Variants in NFIA observed in about 807,000 individuals in gnomAD.
The protein encoded by NFIA is nuclear factor 1 A-type.
NFIA carries 8 observed loss-of-function variants against 62.8 expected under a neutral mutation model. The observed-to-expected ratio is 0.13, with a 90% CI of 0.07 to 0.23. NFIA has a LOEUF of 0.23. Ranked by LOEUF, NFIA falls within the 10% of genes least tolerant of loss-of-function variation. NFIA has a pLI of 1.00. For synonymous variants in NFIA, 235 were observed against 238.1 expected, an observed-to-expected ratio of 0.99 and a Z score of 0.12; for missense variants, 410 against 642.1, an observed-to-expected ratio of 0.64 and a Z score of 3.91.
In NFIA at chr1:61,337,316, C is replaced by T. The variant is rs372469689; in HGVS notation, c.700+4730C>T. Among the ~76,000 whole-genome samples, 233 of 49,986 alleles carry T rather than the reference C, an allele frequency of 4.7e-3. 1 individual carries two copies. The highest frequency in any genetic ancestry group is 0.013 in the African/African-American group (203 of 15,510). 32.8% of individuals were successfully genotyped at this position (49,986 alleles called of 152,430 possible). On this transcript the variant is annotated intron_variant, in intron 4 of 10. Transcript: ENST00000403491. ...TTCCTCCTTGCCTCCTGCCTACCAC[C>T]TTTTAATTTTTTTTTTCATTATCAT... is the stretch of plus-strand genomic sequence containing the variant.
At chr1:61,404,346 G>T in intron 8 of NFIA, 64 bp downstream of exon 8, 1 of 1,447,900 alleles carries the variant, frequency 6.9e-7, no homozygotes, top group South Asian at 1.4e-5. Context: ...ATAACAAGGG[G>T]AGACCTTATG....
At chr1:61,204,816 G>T (rs1349977220) in intron 2 of NFIA, among the ~76,000 whole-genome samples, 2 of 152,168 alleles carry the variant, frequency 1.3e-5, no homozygotes, top group African/African-American at 2.4e-5. Context: ...AGTTTATTGT[G>T]TGAGCATTTT....
At position 61,082,679 on chromosome 1, in the gene NFIA, TC is replaced by T; in HGVS notation, c.-112del. ...ATTTTTTTTTCTCCCCCCTTCTCTCTCTCTCTCTCTCTCTCTCTTCCTCTCT... is the reference window on the plus strand; with the variant it reads ...ATTTTTTTTTCTCCCCCCTTCTCTCTTCTCTCTCTCTCTCTCTTCCTCTCT... On this transcript the variant is annotated 5_prime_UTR_variant, in exon 1 of 11. Coordinates refer to ENST00000403491, the MANE Select transcript of NFIA (RefSeq NM_001134673.4). 1 of 1,520,380 alleles carries T rather than the reference TC, an allele frequency of 6.6e-7. No individual in the cohort carries two copies. Among genetic ancestry groups the T allele is most frequent in the Non-Finnish European group, 8.9e-7 (1 of 1,128,268 alleles). 94.2% of individuals were successfully genotyped at this position (1,520,380 alleles called of 1,614,324 possible).
intron 9 of NFIA, among the ~76,000 whole-genome samples, chr1:61,411,411 A>AT (rs1666096991): frequency 6.6e-6 from 1 of 152,186 alleles, no homozygotes; most frequent in African/African-American, 2.4e-5. Flanking sequence ...TTAGGATACT[A>AT]TGACAAATGG....
rs765423106 is a variant in NFIA at position 61,235,507 on chromosome 1, A to AAATAAATAAAT, written c.560-42012_560-42011insATAAATAAATA. On this transcript the variant is annotated intron_variant, in intron 2 of 10. Transcript: ENST00000403491. Reference sequence around the variant, plus strand: ...ATAAATAAATAAATAAATAAATAAAAATAAAAAATAAAAAAAAATGAACAA... The same window carrying AAATAAATAAAT: ...ATAAATAAATAAATAAATAAATAAAAAATAAATAAATATAAAAAATAAAAAAAAATGAACAA... Among the ~76,000 whole-genome samples the AAATAAATAAAT allele has an allele frequency of 4.0e-3, 551 of 138,326 alleles. 2 individuals are homozygous for AAATAAATAAAT. The highest frequency in any genetic ancestry group is 0.014 in the African/African-American group (532 of 37,342). The allele number at this position is 138,326 out of a possible 152,430, so 90.7% of individuals were successfully genotyped here. A position where few individuals can be genotyped will look rare whatever the true frequency, so the allele number is the denominator to read the frequency against.
chr1:61,279,642 C>G (rs1658016500), intron 3 of NFIA, among the ~76,000 whole-genome samples: 1 of 152,176 alleles, frequency 6.6e-6, no homozygotes, highest in Admixed American at 6.5e-5. Flanking sequence ...AATGTGTGGA[C>G]TGTACGGGTG....
intron 10 of NFIA, among the ~76,000 whole-genome samples, chr1:61,452,461 G>A (rs1668099891): frequency 6.6e-6 from 1 of 152,112 alleles, no homozygotes; most frequent in Non-Finnish European, 1.5e-5. Context: ...AATTATAGGA[G>A]TGAACAAGTT....
At chr1:61,107,918 C>A (rs986785516) in intron 2 of NFIA, among the ~76,000 whole-genome samples, 1 of 151,442 alleles carries the variant, frequency 6.6e-6, no homozygotes, top group Non-Finnish European at 1.5e-5. Flanking sequence ...TTTCTCTATT[C>A]CCCAAATAAT....
At chr1:61,342,472 C>T (rs1225080943) in intron 4 of NFIA, among the ~76,000 whole-genome samples, 1 of 152,182 alleles carries the variant, frequency 6.6e-6, no homozygotes, top group Middle Eastern at 3.2e-3. Flanking sequence ...AAAGCTAAGA[C>T]ATGATGATAC....
At chr1:61,366,746 G>A (rs6662226) in intron 6 of NFIA, among the ~76,000 whole-genome samples, 125,890 of 151,914 alleles carry the variant, frequency 0.83, 52,283 homozygotes, top group East Asian at 0.95. Context: ...AACATGGTGA[G>A]ACCCCATCTC....
At chr1:61,156,049 G>A (rs1261235946) in intron 2 of NFIA, among the ~76,000 whole-genome samples, 1 of 152,124 alleles carries the variant, frequency 6.6e-6, no homozygotes, top group Non-Finnish European at 1.5e-5. Flanking sequence ...CAGGAGAACT[G>A]TTTGAACCCG....
chr1:61,086,174 G>A (rs1023092576), intron 1 of NFIA, among the ~76,000 whole-genome samples: 2 of 152,048 alleles, frequency 1.3e-5, no homozygotes, highest in Non-Finnish European at 2.9e-5. Context: ...GACTCCAGGA[G>A]TTTTTTGCAT....
intron 2 of NFIA, among the ~76,000 whole-genome samples, chr1:61,202,968 A>G (rs1652611430): frequency 1.3e-5 from 2 of 152,262 alleles, no homozygotes; most frequent in Admixed American, 1.3e-4. Flanking sequence ...TATGTAAACA[A>G]CAAAAACTGG....
In NFIA at chr1:61,359,127, GC is replaced by G. The variant is rs761620991; in HGVS notation, c.819-19del. 6.9e-5 allele frequency: 112 copies of G among 1,612,004 alleles called. No homozygotes were observed. Among genetic ancestry groups the G allele is most frequent in the Non-Finnish European group, 9.1e-5 (107 of 1,179,182 alleles). On this transcript the variant is annotated intron_variant, in intron 5 of 10. Transcript: ENST00000403491. ...GGTGGTTGCGATTGCTTTTAAACAT[GC>G]ACCCATTTGTTATTTCAGCTCCACA...
At chr1:61,342,134 AT>A (rs1316661589) in intron 4 of NFIA, among the ~76,000 whole-genome samples, 14 of 152,100 alleles carry the variant, frequency 9.2e-5, no homozygotes, top group African/African-American at 2.9e-4. Context: ...AATACCCAGG[AT>A]TTTTCACTAG....
At chr1:61,406,538 T>C in intron 8 of NFIA, 24 bp from the exon 9 acceptor site, 1 of 1,509,518 alleles carries the variant, frequency 6.6e-7, no homozygotes, top group Non-Finnish European at 9.0e-7. Flanking sequence ...GTACGTGTGT[T>C]TTCTGCCCCC....
At chr1:61,166,935 A>C (rs905210545) in intron 2 of NFIA, among the ~76,000 whole-genome samples, 16 of 152,172 alleles carry the variant, frequency 1.1e-4, no homozygotes, top group Admixed American at 1.0e-3. Context: ...AGTTCAGGAG[A>C]TCGAGACCAT....
intron 3 of NFIA, among the ~76,000 whole-genome samples, chr1:61,291,272 T>A (rs574792418): frequency 1.3e-5 from 2 of 152,308 alleles, no homozygotes; most frequent in African/African-American, 4.8e-5. Context: ...TGAGCAGAAT[T>A]GATAGTGAGG....
intron 2 of NFIA, among the ~76,000 whole-genome samples, chr1:61,235,812 C>CAA (rs199585835): frequency 4.7e-5 from 5 of 106,410 alleles, no homozygotes; most frequent in East Asian, 2.6e-4. Context: ...GATCCTGTCT[C>CAA]AAAAAAAAAA....
Sources: gnomAD v4.1 joint callset for allele counts (sites outside exome capture counted in the v4.1 genomes callset) on GRCh38, gnomAD v4.1.1 for gene constraint, MANE v1.5 for transcripts, NCBI Gene and HGNC (gene_info 2026-07-23, HGNC 2026-07-21) for gene names.